MACF1: variants seen among roughly 807,000 people sequenced by gnomAD.
MACF1 encodes microtubule-actin cross-linking factor 1.
Under a neutral mutation model 854.8 loss-of-function variants are expected in MACF1, and 193 were observed. The ratio of observed to expected loss-of-function variants is 0.23; its 90% CI spans 0.20 to 0.25. MACF1 has a LOEUF of 0.25. MACF1 is among the 10% of genes least tolerant of loss of function. The pLI, the probability that MACF1 is intolerant of heterozygous loss-of-function variation, is 1.00. For missense variants in MACF1, 7,722 were observed against 8,929.1 expected (o/e 0.86, Z 5.45); for synonymous variants, 3,185 against 3,226.7 (o/e 0.99, Z 0.44).
At chr1:39,272,011 A>G (rs980421925) in intron 6 of MACF1, among the ~76,000 whole-genome samples, 1 of 152,202 alleles carries the variant, frequency 6.6e-6, no homozygotes, top group Non-Finnish European at 1.5e-5. Context: ...TGGGTAGCCA[A>G]CCTCTGCATC....
At chr1:39,449,970 CT>C (rs1644305894) in intron 84 of MACF1, among the ~76,000 whole-genome samples, 1 of 152,152 alleles carries the variant, frequency 6.6e-6, no homozygotes, top group Non-Finnish European at 1.5e-5. Context: ...AGCAATTCTT[CT>C]TCCTCAGCCT....
chr1:39,192,185 T>C (rs893255082), intron 2 of MACF1, among the ~76,000 whole-genome samples: 1 of 152,070 alleles, frequency 6.6e-6, no homozygotes, highest in Non-Finnish European at 1.5e-5. Context: ...TAAAAATGGT[T>C]ACCCAGATTT....
chr1:39,411,711 T>C (rs1355985393), intron 58 of MACF1: 2 of 1,613,824 alleles, frequency 1.2e-6, no homozygotes, highest in African/African-American at 2.7e-5. Context: ...GAGTAACTCC[T>C]CTAGTTGAGC....
At chr1:39,314,569 T>TCTCTCACACA (rs1379643806) in intron 26 of MACF1, among the ~76,000 whole-genome samples, 4 of 65,356 alleles carry the variant, frequency 6.1e-5, no homozygotes, top group South Asian at 8.8e-4. Flanking sequence ...TCTCTCTCTC[T>TCTCTCACACA]CACACACACA....
In MACF1 at chr1:39,428,196, A is replaced by G. The variant is rs765563414; in HGVS notation, c.16712A>G (p.Asn5571Ser). 5.6e-6 allele frequency: 9 copies of G among 1,614,018 alleles called. No individual in the cohort carries two copies. In the Admixed American group the frequency reaches 6.7e-5, roughly 12 times the overall value. ...GGGGAGGATGAGGTGGAGGTGCTCAACTGGCTGGCTGAGGTTGAGGACAAG... is the reference window on the plus strand; with the variant it reads ...GGGGAGGATGAGGTGGAGGTGCTCAGCTGGCTGGCTGAGGTTGAGGACAAG... ...LFGEDEVEVL[N>S]WLAEVEDKLS... Residue 5571 changes from asparagine (N) to serine (S), a missense_variant, in exon 63 of 101, where the codon AAC becomes AGC. Asn to Ser is a conservative substitution (Grantham distance 46). Around this residue, in one of 15 missense-constraint regions of MACF1, gnomAD observed 2,807 missense variants for 3,235.8 expected, o/e 0.87. Coordinates refer to ENST00000564288, the MANE Select transcript of MACF1 (RefSeq NM_001394062.1).
At position 39,455,115 on chromosome 1, in the gene MACF1, T is replaced by G; in HGVS notation, c.21075+18T>G. Reference sequence around the variant, plus strand: ...AGCATCAGGTATCTTAACCTCACTGTGTGATCACTGGTGTTTTCCGTGTTG... The same window carrying G: ...AGCATCAGGTATCTTAACCTCACTGGGTGATCACTGGTGTTTTCCGTGTTG... On this transcript the variant is annotated intron_variant, in intron 89 of 100. Transcript: ENST00000564288. 6.2e-7 allele frequency: 1 copy of G among 1,610,564 alleles called. No homozygotes were observed. Among genetic ancestry groups the G allele is most frequent in the South Asian group, 1.1e-5 (1 of 90,694 alleles).
chr1:39,390,846 G>A lies in MACF1; in HGVS notation c.15816+2188G>A, dbSNP rs929270984. ...TTATCAGCCGGGTGCGGTGGCTCAC[G>A]CCTGTAATCCCAGCACTTTGGGAGG... On this transcript the variant is annotated intron_variant, in intron 58 of 100. Coordinates refer to ENST00000564288, the MANE Select transcript of MACF1 (RefSeq NM_001394062.1). Among the ~76,000 whole-genome samples the A allele has an allele frequency of 3.3e-5, 5 of 152,216 alleles. 1 individual carries two copies. The highest frequency in any genetic ancestry group is 6.8e-3 in the Middle Eastern group (2 of 294).
chr1:39,252,723 A>G (rs1036395347), intron 4 of MACF1, among the ~76,000 whole-genome samples: 1 of 152,198 alleles, frequency 6.6e-6, no homozygotes, highest in African/African-American at 2.4e-5. Context: ...TCTAAGCCAT[A>G]TTCACAATTA....
chr1:39,336,568 C>G lies in MACF1; in HGVS notation c.9980C>G (p.Pro3327Arg). Residue 3327 changes from proline to arginine, a missense_variant, in exon 37 of 101, where the codon CCT (proline) becomes CGT (arginine). Physicochemically the swap from Pro to Arg is moderately radical, Grantham distance 103. Coordinates refer to ENST00000564288, the MANE Select transcript of MACF1 (RefSeq NM_001394062.1). Reference sequence around the variant, plus strand: ...CCACAGGAAAAGCTCAGAGAAAGCCCTGGCAGTGAACAAACTCCCTTCATG... The same window carrying G: ...CCACAGGAAAAGCTCAGAGAAAGCCGTGGCAGTGAACAAACTCCCTTCATG... ...KTPQEKLRESPGSEQTPFMTA... is the reference protein window; with the variant it reads ...KTPQEKLRESRGSEQTPFMTA... 6.2e-7 allele frequency: 1 copy of G among 1,614,138 alleles called. No individual in the cohort carries two copies. The highest frequency in any genetic ancestry group is 1.7e-5 in the Admixed American group (1 of 60,028).
intron 2 of MACF1, among the ~76,000 whole-genome samples, chr1:39,101,369 A>AT (rs1553130065): frequency 9.0e-5 from 8 of 89,276 alleles, no homozygotes; most frequent in South Asian, 9.0e-4. Flanking sequence ...AAAAAAAAAA[A>AT]ATATGTATAT....
At chr1:39,278,406 CTA>C (rs1407043995) in intron 6 of MACF1, among the ~76,000 whole-genome samples, 1 of 152,044 alleles carries the variant, frequency 6.6e-6, no homozygotes. Context: ...CTCATTACAA[CTA>C]TGTTTAAAAT....
At chr1:39,279,590 G>A (rs1048425555) in intron 6 of MACF1, among the ~76,000 whole-genome samples, 2 of 152,038 alleles carry the variant, frequency 1.3e-5, no homozygotes, top group African/African-American at 4.8e-5. Context: ...ACATGCCGGT[G>A]TTTTCTCTGC....
intron 2 of MACF1, among the ~76,000 whole-genome samples, chr1:39,232,347 T>C (rs1644787948): frequency 6.6e-6 from 1 of 152,156 alleles, no homozygotes; most frequent in East Asian, 1.9e-4. Flanking sequence ...TAGTTTTATC[T>C]TCCTCTTATT....
chr1:39,276,616 G>A (rs975173332), intron 6 of MACF1, among the ~76,000 whole-genome samples: 16 of 152,226 alleles, frequency 1.1e-4, no homozygotes, highest in African/African-American at 3.9e-4. Context: ...CACCCTTCAA[G>A]GATGAGTTTA....
chr1:39,418,124 A>G (rs544344786), intron 58 of MACF1, among the ~76,000 whole-genome samples: 2 of 152,334 alleles, frequency 1.3e-5, no homozygotes, highest in African/African-American at 4.8e-5. Context: ...GGTAAAATCA[A>G]CAAGATCTGA....
In MACF1 at chr1:39,387,646, C is replaced by T; in HGVS notation, c.14804C>T (p.Pro4935Leu). The change falls in exon 58 of 101, where the codon CCA (proline) becomes CTA (leucine). Residue 4935 changes from proline (P) to leucine (L), a missense_variant. Around this residue, in one of 15 missense-constraint regions of MACF1, gnomAD observed 2,807 missense variants for 3,235.8 expected, o/e 0.87. Transcript: ENST00000564288. Reference protein sequence around the residue: ...KMSELRVTLDPVQLESSLLRS... With the variant: ...KMSELRVTLDLVQLESSLLRS... ...TCTGAGTTGCGAGTCACTCTGGATC[C>T]AGTGCAGCTAGAGTCCAGTCTCCTA... 3.1e-6 allele frequency: 5 copies of T among 1,614,184 alleles called. No homozygotes were observed. The highest frequency in any genetic ancestry group is 4.2e-6 in the Non-Finnish European group (5 of 1,180,044).
rs111407049 is a variant in MACF1, at chr1:39,378,027, C to T, written c.13214-434C>T. Among the ~76,000 whole-genome samples the T allele has an allele frequency of 5.2e-3, 788 of 151,838 alleles. 6 individuals carry two copies. Among genetic ancestry groups the T allele is most frequent in the African/African-American group, 0.018 (728 of 41,446 alleles). On this transcript the variant is annotated intron_variant, in intron 52 of 100. Transcript: ENST00000564288. ...TCAAAAAAGAAAAAAAAAAAGGCTGCTTTTTCTGTCCTTAATGGTATTTTC... is the reference window on the plus strand; with the variant it reads ...TCAAAAAAGAAAAAAAAAAAGGCTGTTTTTTCTGTCCTTAATGGTATTTTC...
intron 35 of MACF1, among the ~76,000 whole-genome samples, chr1:39,326,209 A>G (rs1646606279): frequency 6.6e-6 from 1 of 152,210 alleles, no homozygotes; most frequent in Non-Finnish European, 1.5e-5. Context: ...TGATGGATAG[A>G]TCCCATTTGA....
At chr1:39,249,121 A>G (rs949697037) in intron 2 of MACF1, among the ~76,000 whole-genome samples, 3 of 152,160 alleles carry the variant, frequency 2.0e-5, no homozygotes, top group African/African-American at 7.2e-5. Context: ...ACTTATAGCT[A>G]AGTGACCATA....
Sources: gnomAD v4.1 joint callset for allele counts (sites outside exome capture counted in the v4.1 genomes callset) on GRCh38, gnomAD v4.1.1 for gene constraint, gnomAD v4.1.1 regional missense constraint, MANE v1.5 for transcripts, NCBI Gene and HGNC (gene_info 2026-07-23, HGNC 2026-07-21) for gene names.